Variants in EXT1 observed in about 807,000 individuals in gnomAD.
The protein encoded by EXT1 is exostosin-1.
Under a neutral mutation model 82.5 loss-of-function variants are expected in EXT1, and 20 were observed. That is an observed-to-expected ratio of 0.24 (90% confidence interval 0.17 to 0.35). The LOEUF (loss-of-function observed/expected upper bound fraction) is 0.35. EXT1 is among the 10% of genes least tolerant of loss of function. The pLI, the probability that EXT1 is intolerant of heterozygous loss-of-function variation, is 1.00. For synonymous variants in EXT1, 348 were observed against 350.8 expected, an observed-to-expected ratio of 0.99 and a Z score of 0.09; for missense variants, 757 against 936.5, an observed-to-expected ratio of 0.81 and a Z score of 2.50.
At chr8:118,039,836 A>T (rs1411788135) in intron 1 of EXT1, among the ~76,000 whole-genome samples, 1 of 152,208 alleles carries the variant, frequency 6.6e-6, no homozygotes, top group Non-Finnish European at 1.5e-5. Flanking sequence ...AGGAATAAAT[A>T]AATAAACAAG....
chr8:118,025,305 C>T (rs1404824297), intron 1 of EXT1, among the ~76,000 whole-genome samples: 2 of 152,148 alleles, frequency 1.3e-5, no homozygotes, highest in Non-Finnish European at 1.5e-5. Flanking sequence ...CTCCAAAGTA[C>T]AGGAGCAGAC....
Position 117,929,724 on chromosome 8 carries a change from G to A in EXT1, c.963-92523C>T, listed in dbSNP as rs571827556. On this transcript the variant is annotated intron_variant, in intron 1 of 10. Coordinates refer to ENST00000378204, the MANE Select transcript of EXT1 (RefSeq NM_000127.3). ...TCCTAACTATAAAGCTTTCACAGCC[G>A]GATTAACATGCTTCTCTCAGCATGG... Among the ~76,000 whole-genome samples, 3 of 152,290 alleles carry A rather than the reference G, an allele frequency of 2.0e-5. No individual in the cohort carries two copies. In the East Asian group the frequency reaches 5.8e-4, roughly 29 times the overall value.
intron 1 of EXT1, among the ~76,000 whole-genome samples, chr8:117,942,647 G>A (rs1814307931): frequency 6.6e-6 from 1 of 152,112 alleles, no homozygotes; most frequent in Admixed American, 6.5e-5. Context: ...GGAGGTGGAG[G>A]TTGCGGTGAG....
intron 1 of EXT1, among the ~76,000 whole-genome samples, chr8:117,976,508 G>C (rs868545910): frequency 2.6e-5 from 4 of 152,268 alleles, no homozygotes; most frequent in Middle Eastern, 3.4e-3. Flanking sequence ...AGTTACAGAA[G>C]TTACAGACAA....
intron 1 of EXT1, among the ~76,000 whole-genome samples, chr8:117,954,837 C>T (rs1814557670): frequency 6.6e-6 from 1 of 152,182 alleles, no homozygotes; most frequent in Non-Finnish European, 1.5e-5. Context: ...TGGAAACCTA[C>T]TTGATATCTA....
At chr8:117,823,931 T>TA (rs1473810290) in intron 4 of EXT1, among the ~76,000 whole-genome samples, 11 of 152,324 alleles carry the variant, frequency 7.2e-5, no homozygotes, top group African/African-American at 2.6e-4. Flanking sequence ...AGGGATATGT[T>TA]AAAATGCTGT....
At chr8:117,844,461 C>A (rs1812321723) in intron 1 of EXT1, among the ~76,000 whole-genome samples, 1 of 152,018 alleles carries the variant, frequency 6.6e-6, no homozygotes, top group Non-Finnish European at 1.5e-5. Flanking sequence ...CCTAAAATTT[C>A]AGTTATTTTT....
At chr8:118,101,880 T>TGA (rs1352492985) in intron 1 of EXT1, among the ~76,000 whole-genome samples, 2 of 151,904 alleles carry the variant, frequency 1.3e-5, no homozygotes, top group Non-Finnish European at 2.9e-5. Context: ...TATTGTGTTT[T>TGA]GAGAGAGAGA....
intron 1 of EXT1, among the ~76,000 whole-genome samples, chr8:118,040,361 T>C (rs369968415): frequency 6.6e-6 from 1 of 152,164 alleles, no homozygotes; most frequent in Non-Finnish European, 1.5e-5. Flanking sequence ...GGGAAGAAAT[T>C]TGAGGTATCT....
chr8:118,099,580 A>G (rs1817680621), intron 1 of EXT1, among the ~76,000 whole-genome samples: 1 of 152,238 alleles, frequency 6.6e-6, no homozygotes, highest in Admixed American at 6.5e-5. Context: ...GGTTAAGGAC[A>G]CAGGTTCAAA....
At chr8:117,968,553 ATTTTTTTTTT>A (rs1182180428) in intron 1 of EXT1, among the ~76,000 whole-genome samples, 1 of 9,306 alleles carries the variant, frequency 1.1e-4, no homozygotes, top group African/African-American at 1.7e-3. Flanking sequence ...TTATTTATTT[ATTTTTTTTTT>A]TTTTTTTTTT....
Position 117,799,833 on chromosome 8 carries a change from G to C in EXT1, c.2120C>G (p.Thr707Arg). The change falls in exon 11 of 11, where the codon ACG becomes AGG. Residue 707 changes from threonine to arginine, a missense_variant. Thr to Arg is a moderately conservative substitution (Grantham distance 71, BLOSUM62 -1). Coordinates refer to ENST00000378204, the MANE Select transcript of EXT1 (RefSeq NM_000127.3). ...HFAQRQSCMN[T>R]FASWFGYMPL... ...CATGTAGCCAAACCAGCTGGCAAAC[G>C]TATTCATGCAGCTCTGTCGCTGGGC... 6.2e-7 allele frequency: 1 copy of C among 1,614,192 alleles called. No individual in the cohort carries two copies. The highest frequency in any genetic ancestry group is 8.5e-7 in the Non-Finnish European group (1 of 1,180,044).
chr8:118,083,268 C>T (rs2445904), intron 1 of EXT1, among the ~76,000 whole-genome samples: 73,727 of 152,082 alleles, frequency 0.48, 20,510 homozygotes, highest in African/African-American at 0.76. Flanking sequence ...TAAACGCATA[C>T]TCAATGCCTG....
intron 1 of EXT1, among the ~76,000 whole-genome samples, chr8:118,100,862 C>G (rs1021142236): frequency 6.6e-6 from 1 of 152,102 alleles, no homozygotes; most frequent in Non-Finnish European, 1.5e-5. Context: ...AGGGATCCCC[C>G]TCAACTGCTT....
At chr8:118,020,037 T>A (rs920721559) in intron 1 of EXT1, among the ~76,000 whole-genome samples, 3 of 152,222 alleles carry the variant, frequency 2.0e-5, no homozygotes, top group Non-Finnish European at 4.4e-5. Flanking sequence ...TTCTTCCATC[T>A]TTACTGATTT....
chr8:117,850,967 A>C (rs542831518), intron 1 of EXT1, among the ~76,000 whole-genome samples: 71 of 152,280 alleles, frequency 4.7e-4, no homozygotes, highest in Non-Finnish European at 8.5e-4. Flanking sequence ...TAAAACCCAA[A>C]CCACCCTTAG....
chr8:117,849,394 A>G (rs1192570320), intron 1 of EXT1, among the ~76,000 whole-genome samples: 1 of 152,180 alleles, frequency 6.6e-6, no homozygotes, highest in Admixed American at 6.5e-5. Flanking sequence ...GCCCACAGTA[A>G]TCTTTTAGGA....
At chr8:118,047,948 T>G (rs1005549908) in intron 1 of EXT1, among the ~76,000 whole-genome samples, 12 of 151,538 alleles carry the variant, frequency 7.9e-5, no homozygotes, top group Admixed American at 4.0e-4. Flanking sequence ...ATTGCTTGAA[T>G]CCGGGAGGCA....
At chr8:117,945,077 G>A (rs1275826070) in intron 1 of EXT1, among the ~76,000 whole-genome samples, 2 of 152,218 alleles carry the variant, frequency 1.3e-5, no homozygotes, top group East Asian at 3.9e-4. Context: ...CAGGAGAACG[G>A]CGTGAACCCG....
Sources: gnomAD v4.1 joint callset for allele counts (sites outside exome capture counted in the v4.1 genomes callset) on GRCh38, gnomAD v4.1.1 for gene constraint, MANE v1.5 for transcripts, NCBI Gene and HGNC (gene_info 2026-07-23, HGNC 2026-07-21) for gene names.